The following MACF1 variants were observed in gnomAD, a reference collection of about 807,000 sequenced individuals.
MACF1 encodes microtubule actin crosslinking factor 1, also known as microtubule-actin cross-linking factor 1.
In MACF1, 193 loss-of-function variants were observed where a neutral mutation model predicts 854.8. The ratio of observed to expected loss-of-function variants is 0.23; its 90% CI spans 0.20 to 0.25. MACF1 has a LOEUF of 0.25. Among genes scored for constraint, MACF1 ranks in the 10% least tolerant of loss-of-function variants. The probability of loss-of-function intolerance (pLI) is 1.00; values close to 1 mark genes in which losing one functional copy is unlikely to be tolerated. For missense variants in MACF1, 7,722 were observed against 8,929.1 expected (o/e 0.86, Z 5.45); for synonymous variants, 3,185 against 3,226.7 (o/e 0.99, Z 0.44).
chr1:39,441,051 C>T lies in MACF1; in HGVS notation c.18496C>T (p.Arg6166Trp), dbSNP rs747312905. ...TCTGCATGAAGAGCTGGAGTTTATTCGGATCCTTGGAGCAGATTTGATTTT... is the reference window on the plus strand; with the variant it reads ...TCTGCATGAAGAGCTGGAGTTTATTTGGATCCTTGGAGCAGATTTGATTTT... ...DGLHEELEFI[R>W]ILGADLIFAC... The change falls in exon 73 of 101, where the codon CGG becomes TGG. Residue 6166 changes from arginine (R) to tryptophan (W), a missense_variant. Physicochemically the swap from Arg to Trp is moderately radical, Grantham distance 101. Coordinates refer to ENST00000564288, the MANE Select transcript of MACF1 (RefSeq NM_001394062.1). 11 of 1,614,002 alleles carry T rather than the reference C, an allele frequency of 6.8e-6. No individual in the cohort carries two copies. The highest frequency in any genetic ancestry group is 6.7e-5 in the East Asian group (3 of 44,896).
chr1:39,324,543 T>C, intron 34 of MACF1, 103 bp from the exon 35 acceptor site: 2 of 1,095,606 alleles, frequency 1.8e-6, no homozygotes, highest in Non-Finnish European at 1.3e-6. Context: ...TAATTTGACC[T>C]AAGCTGCATA....
intron 84 of MACF1, among the ~76,000 whole-genome samples, chr1:39,449,750 T>C (rs1557661167): frequency 6.8e-6 from 1 of 146,806 alleles, no homozygotes; most frequent in Non-Finnish European, 1.5e-5. Flanking sequence ...TGGCCCAGGC[T>C]GGAGTGCAGA....
At chr1:39,195,579 G>A (rs1473528019) in intron 2 of MACF1, among the ~76,000 whole-genome samples, 1 of 152,198 alleles carries the variant, frequency 6.6e-6, no homozygotes. Context: ...GGAGGGAGAA[G>A]TTTACTTCTC....
At chr1:39,384,871 C>T (rs1650548806) in intron 56 of MACF1, among the ~76,000 whole-genome samples, 1 of 152,126 alleles carries the variant, frequency 6.6e-6, no homozygotes, top group Admixed American at 6.6e-5. Context: ...TAGTAACTGA[C>T]ATTGAAACAG....
chr1:39,446,417 A>G (rs1644232849), intron 80 of MACF1, among the ~76,000 whole-genome samples: 2 of 151,816 alleles, frequency 1.3e-5, no homozygotes. Flanking sequence ...ATTTCTATAT[A>G]TATTTGAAGT....
intron 2 of MACF1, among the ~76,000 whole-genome samples, chr1:39,095,433 C>T (rs1237468166): frequency 1.3e-5 from 2 of 151,240 alleles, no homozygotes; most frequent in African/African-American, 2.4e-5. Context: ...CATGGTGGTG[C>T]GCGCCTGTAG....
chr1:39,228,275 A>C (rs975716002), intron 1 of MACF1, among the ~76,000 whole-genome samples: 1 of 152,170 alleles, frequency 6.6e-6, no homozygotes, highest in East Asian at 1.9e-4. Context: ...GCACCATTGC[A>C]CTCCAGCCTG....
chr1:39,091,773 T>C (rs1229496670), intron 2 of MACF1, among the ~76,000 whole-genome samples: 1 of 152,152 alleles, frequency 6.6e-6, no homozygotes, highest in Admixed American at 6.5e-5. Context: ...GTGCTGGGAT[T>C]ACAGCCACTG....
rs766208352 is a variant in MACF1 at position 39,429,292 on chromosome 1, T to G, written c.16854T>G (p.Ile5618Met). Reference protein sequence around the residue: ...VNRKKNVDQAIKNGQALLKQT... With the variant: ...VNRKKNVDQAMKNGQALLKQT... ...GAAAGAAGAATGTAGATCAAGCTAT[T>G]AAAAATGGTCAGGCTCTTCTAAAAC... Residue 5618 changes from isoleucine to methionine, a missense_variant, in exon 64 of 101, where the codon ATT becomes ATG. Physicochemically the swap from Ile to Met is conservative, Grantham distance 10. Transcript: ENST00000564288. 4.4e-6 allele frequency: 7 copies of G among 1,589,552 alleles called. No individual in the cohort carries two copies. Among genetic ancestry groups the G allele is most frequent in the Non-Finnish European group, 6.0e-6 (7 of 1,158,164 alleles).
intron 5 of MACF1, among the ~76,000 whole-genome samples, chr1:39,255,194 A>G (rs1397975072): frequency 6.6e-6 from 1 of 152,218 alleles, no homozygotes; most frequent in Non-Finnish European, 1.5e-5. Context: ...GCTGCTTTCT[A>G]CACAGCACCC....
intron 2 of MACF1, among the ~76,000 whole-genome samples, chr1:39,157,576 A>G (rs565704610): frequency 6.6e-6 from 1 of 152,310 alleles, no homozygotes; most frequent in African/African-American, 2.4e-5. Flanking sequence ...CTGAATTTCT[A>G]ATATGCCAAG....
At position 39,428,405 on chromosome 1, in the gene MACF1, A is replaced by G. The variant is rs912491107; in HGVS notation, c.16803+118A>G. On this transcript the variant is annotated intron_variant, in intron 63 of 100. Transcript: ENST00000564288. Reference sequence around the variant, plus strand: ...CAAACACTTCAACTTTATTTTATACACAAGTGCATAGTTAGTGGACTTGAT... The same window carrying G: ...CAAACACTTCAACTTTATTTTATACGCAAGTGCATAGTTAGTGGACTTGAT... The G allele has an allele frequency of 4.1e-6, 4 of 977,388 alleles. No individual in the cohort carries two copies. The African/African-American group carries it at 6.6e-5, about 16-fold the overall frequency. 60.5% of individuals were successfully genotyped at this position (977,388 alleles called of 1,614,324 possible).
At position 39,283,516 on chromosome 1, in the gene MACF1, G is replaced by A; in HGVS notation, c.915+1G>A. On this transcript the variant is annotated splice_donor_variant, in intron 9 of 100. Transcript: ENST00000564288. LOFTEE classifies it high-confidence loss of function. This position sits in a 1 kb window ranked among gnomAD's most constrained non-coding sequence, Gnocchi z 4.5. ...GGGTGGAGAAGGGATCAGTGCTACG[G>A]TAAAAGAACATTTTCCTAGAAGGCC... 1 of 1,586,298 alleles carries A rather than the reference G, an allele frequency of 6.3e-7. No homozygotes were observed. The highest frequency in any genetic ancestry group is 8.7e-7 in the Non-Finnish European group (1 of 1,154,946).
Position 39,334,161 on chromosome 1 carries a change from G to T in MACF1, c.7573G>T (p.Gly2525Cys). The change falls in exon 37 of 101, where the codon GGC (glycine) becomes TGC (cysteine). Residue 2525 changes from glycine to cysteine, a missense_variant. By Grantham distance (159) the Gly-to-Cys change is radical (BLOSUM62 -3). Coordinates refer to ENST00000564288, the MANE Select transcript of MACF1 (RefSeq NM_001394062.1). Reference sequence around the variant, plus strand: ...TTCTGTTGATAATGCCTTCAGACATGGCTTAATTGGTGAAGATTTAGCCGA... The same window carrying T: ...TTCTGTTGATAATGCCTTCAGACATTGCTTAATTGGTGAAGATTTAGCCGA... Reference protein sequence around the residue: ...RLSVDNAFRHGLIGEDLAEKL... With the variant: ...RLSVDNAFRHCLIGEDLAEKL... 1 of 1,614,050 alleles carries T rather than the reference G, an allele frequency of 6.2e-7. No homozygotes were observed. The highest frequency in any genetic ancestry group is 8.5e-7 in the Non-Finnish European group (1 of 1,179,980).
intron 52 of MACF1, among the ~76,000 whole-genome samples, chr1:39,376,138 CT>C (rs1366866175): frequency 6.6e-6 from 1 of 152,186 alleles, no homozygotes; most frequent in African/African-American, 2.4e-5. Context: ...AGCTGCTTTA[CT>C]TTCCCCAGAA....
chr1:39,282,112 C>A (rs1031021018), intron 6 of MACF1, 96 bp from the exon 7 acceptor site: 230 of 1,316,424 alleles, frequency 1.7e-4, no homozygotes, highest in Non-Finnish European at 2.3e-4. Flanking sequence ...AGCCTTGGAC[C>A]TTCGTTTTAC....
chr1:39,434,295 T>C, intron 68 of MACF1, 119 bp from the exon 69 acceptor site: 1 of 459,230 alleles, frequency 2.2e-6, no homozygotes, highest in Non-Finnish European at 3.8e-6. Flanking sequence ...TTACTGATAT[T>C]TTAAAATAAT....
In MACF1 at chr1:39,090,063, C is replaced by T. The variant is rs193213196; in HGVS notation, c.220+5625C>T. On this transcript the variant is annotated intron_variant, in intron 2 of 93. Transcript: ENST00000361689. The stretch of plus-strand genomic sequence containing the variant: ...CTGTCCCCTTCTTTTGTTCTTTAGG[C>T]CTTTGTCAGGGAGCAGATGGAAGTG... Among the ~76,000 whole-genome samples the T allele has an allele frequency of 1.4e-4, 21 of 152,284 alleles. No homozygotes were observed. In the East Asian group the frequency reaches 2.9e-3, roughly 21 times the overall value.
chr1:39,123,238 C>T (rs1334288698), intron 2 of MACF1, among the ~76,000 whole-genome samples: 4 of 132,840 alleles, frequency 3.0e-5, no homozygotes, highest in African/African-American at 2.9e-5. Context: ...GAGAGAGTCT[C>T]GCTCTGTTGC....
Sources: allele counts gnomAD v4.1 joint callset (sites outside exome capture counted in the v4.1 genomes callset), GRCh38; gene constraint gnomAD v4.1.1; non-coding constraint Gnocchi (gnomAD v3.1); transcripts MANE v1.5; gene names NCBI Gene and HGNC (gene_info 2026-07-23, HGNC 2026-07-21).